DTNB: variants seen among roughly 807,000 people sequenced by gnomAD.
DTNB encodes DTN-B.
DTNB carries 63 observed loss-of-function variants against 90.7 expected under a neutral mutation model. The observed-to-expected ratio is 0.69, with a 90% CI of 0.57 to 0.86. The LOEUF (loss-of-function observed/expected upper bound fraction) is 0.86, where lower values mean the gene tolerates loss of function less well. Ranked by LOEUF, DTNB falls within the 40% of genes least tolerant of loss-of-function variation. The pLI, the probability that DTNB is intolerant of heterozygous loss-of-function variation, is 0.00. For synonymous variants in DTNB, 277 were observed against 286.7 expected (o/e 0.97, Z 0.34); for missense variants, 744 against 807.1 (o/e 0.92, Z 0.95).
At chr2:25,488,673 T>C (rs1339821954) in intron 9 of DTNB, among the ~76,000 whole-genome samples, 1 of 152,178 alleles carries the variant, frequency 6.6e-6, no homozygotes, top group Non-Finnish European at 1.5e-5. Flanking sequence ...TGTTTTGAGA[T>C]GGAGTCTCTC....
chr2:25,544,228 C>T (rs1293736892), intron 8 of DTNB, among the ~76,000 whole-genome samples: 4 of 152,162 alleles, frequency 2.6e-5, no homozygotes, highest in Admixed American at 6.5e-5. Context: ...GGGCAGCAGG[C>T]GACTCACTGC....
chr2:25,465,184 G>A (rs927808562), intron 10 of DTNB, among the ~76,000 whole-genome samples: 20 of 152,208 alleles, frequency 1.3e-4, no homozygotes, highest in African/African-American at 4.8e-4. Context: ...AGACCATCCT[G>A]GCTAACACAG....
intron 9 of DTNB, among the ~76,000 whole-genome samples, chr2:25,483,214 C>T (rs2065358556): frequency 6.6e-6 from 1 of 152,194 alleles, no homozygotes; most frequent in African/African-American, 2.4e-5. Flanking sequence ...ACTTTGGTGG[C>T]TTTTGCTTTG....
intron 6 of DTNB, among the ~76,000 whole-genome samples, chr2:25,592,581 A>C (rs955535938): frequency 6.6e-6 from 1 of 152,182 alleles, no homozygotes; most frequent in Non-Finnish European, 1.5e-5. Flanking sequence ...AGGCAAAAAA[A>C]AAAATGTGTT....
intron 8 of DTNB, among the ~76,000 whole-genome samples, chr2:25,565,611 C>A (rs2058909684): frequency 7.7e-6 from 1 of 130,526 alleles, no homozygotes; most frequent in Admixed American, 7.3e-5. Flanking sequence ...CAGTTTATTG[C>A]ATTTTTTTTT....
chr2:25,577,093 T>C, intron 7 of DTNB, 89 bp from the exon 8 acceptor site: 1 of 1,371,508 alleles, frequency 7.3e-7, no homozygotes. Context: ...ACTTGGAGAA[T>C]GAAGTCAATA....
chr2:25,530,416 G>A (rs1241148729), intron 9 of DTNB, among the ~76,000 whole-genome samples: 1 of 152,124 alleles, frequency 6.6e-6, no homozygotes, highest in African/African-American at 2.4e-5. Context: ...CAGACTAGGT[G>A]ACAAAGCGAG....
intron 19 of DTNB, chr2:25,379,821 A>C (rs2037071796): frequency 6.5e-6 from 1 of 154,394 alleles, no homozygotes; most frequent in African/African-American, 2.4e-5. Flanking sequence ...TTATGGATGC[A>C]AACTGGATTT....
chr2:25,561,743 C>T (rs951000793), intron 8 of DTNB, among the ~76,000 whole-genome samples: 1 of 152,194 alleles, frequency 6.6e-6, no homozygotes, highest in Non-Finnish European at 1.5e-5. Flanking sequence ...TCTGCTATGC[C>T]TTCCACCATG....
chr2:25,575,046 C>T (rs1334609864), intron 8 of DTNB, among the ~76,000 whole-genome samples: 1 of 151,880 alleles, frequency 6.6e-6, no homozygotes, highest in African/African-American at 2.4e-5. Context: ...ATACAAAACC[C>T]CCATTTTTAA....
chr2:25,509,282 G>A (rs767446146), intron 9 of DTNB, among the ~76,000 whole-genome samples: 24 of 152,140 alleles, frequency 1.6e-4, no homozygotes, highest in Non-Finnish European at 2.9e-4. Flanking sequence ...AAGTATGATG[G>A]TAGCTAGGTA....
intron 1 of DTNB, among the ~76,000 whole-genome samples, chr2:25,671,867 C>T (rs1446069260): frequency 6.6e-6 from 1 of 152,190 alleles, no homozygotes; most frequent in Non-Finnish European, 1.5e-5. Flanking sequence ...TTCAGAGATT[C>T]AACCAAGGCA....
At chr2:25,419,391 G>C in intron 16 of DTNB, 124 bp downstream of exon 16, 1 of 1,443,612 alleles carries the variant, frequency 6.9e-7, no homozygotes, top group Non-Finnish European at 9.5e-7. Flanking sequence ...AACCGCTGGG[G>C]GTTTTACACA....
chr2:25,489,813 T>A (rs934050749), intron 9 of DTNB, among the ~76,000 whole-genome samples: 6 of 151,688 alleles, frequency 4.0e-5, no homozygotes, highest in African/African-American at 1.5e-4. Context: ...GAAAAAAAAA[T>A]TTGAGGAACT....
At chr2:25,655,749 TCCCCTA>T (rs1294558799) in intron 1 of DTNB, among the ~76,000 whole-genome samples, 1 of 152,110 alleles carries the variant, frequency 6.6e-6, no homozygotes, top group Non-Finnish European at 1.5e-5. Flanking sequence ...ATATCCCCTA[TCCCCTA>T]CCAGGTACAC....
chr2:25,392,160 G>A (rs1464295026), intron 16 of DTNB, among the ~76,000 whole-genome samples: 4 of 152,160 alleles, frequency 2.6e-5, no homozygotes, highest in Admixed American at 1.3e-4. Flanking sequence ...TGTAATCCCA[G>A]CACTTTGGGA....
At chr2:25,577,046 G>A (rs1173972160) in intron 7 of DTNB, 42 bp from the exon 8 acceptor site, 2 of 1,533,162 alleles carry the variant, frequency 1.3e-6, no homozygotes, top group Non-Finnish European at 8.8e-7. Flanking sequence ...AGGGCAGGAG[G>A]GAAGGGATAG....
At chr2:25,567,986 G>T (rs147063416) in intron 8 of DTNB, among the ~76,000 whole-genome samples, 1 of 151,916 alleles carries the variant, frequency 6.6e-6, no homozygotes, top group African/African-American at 2.4e-5. Context: ...TGGTGAAACC[G>T]CATCTCTACT....
intron 4 of DTNB, among the ~76,000 whole-genome samples, chr2:25,625,774 T>A (rs1011829094): frequency 2.5e-4 from 38 of 152,140 alleles, no homozygotes; most frequent in Non-Finnish European, 5.3e-4. Flanking sequence ...TCTTTAGCCA[T>A]ATGCTATAAC....
Sources: allele counts gnomAD v4.1 joint callset (sites outside exome capture counted in the v4.1 genomes callset), GRCh38; gene constraint gnomAD v4.1.1; transcripts MANE v1.5; gene names NCBI Gene and HGNC (gene_info 2026-07-23, HGNC 2026-07-21).